GOLM2: variants seen among roughly 807,000 people sequenced by gnomAD.
The protein encoded by GOLM2 is golgi membrane protein 2.
A neutral mutation model predicts 55.9 loss-of-function variants in GOLM2; 26 were observed. That is an observed-to-expected ratio of 0.47 (90% CI 0.34 to 0.65). The LOEUF (loss-of-function observed/expected upper bound fraction) is 0.65, where lower values mean the gene tolerates loss of function less well. GOLM2 is among the 30% of genes least tolerant of loss of function. The pLI, the probability that GOLM2 is intolerant of heterozygous loss-of-function variation, is 0.01. For synonymous variants in GOLM2, 165 were observed against 194.6 expected (o/e 0.85, Z 1.27); for missense variants, 486 against 531.8 (o/e 0.91, Z 0.85).
At chr15:44,357,259 A>C (rs1419669745) in intron 6 of GOLM2, among the ~76,000 whole-genome samples, 1 of 152,228 alleles carries the variant, frequency 6.6e-6, no homozygotes, top group Non-Finnish European at 1.5e-5. Flanking sequence ...AATATTAAAA[A>C]ATCAAGTAAC....
intron 1 of GOLM2, among the ~76,000 whole-genome samples, chr15:44,294,086 C>T (rs1354820588): frequency 6.6e-6 from 1 of 152,116 alleles, no homozygotes; most frequent in African/African-American, 2.4e-5. Flanking sequence ...TCCTGTATCC[C>T]CTTCTTACTT....
intron 1 of GOLM2, among the ~76,000 whole-genome samples, chr15:44,290,567 C>T (rs1031079416): frequency 2.6e-5 from 4 of 152,132 alleles, no homozygotes; most frequent in Admixed American, 1.3e-4. Context: ...GTCAAGGAAT[C>T]AGTACATTTA....
intron 1 of GOLM2, among the ~76,000 whole-genome samples, chr15:44,297,016 C>A (rs146648193): frequency 6.6e-6 from 1 of 152,198 alleles, no homozygotes; most frequent in Non-Finnish European, 1.5e-5. Flanking sequence ...CTCTTCCAAA[C>A]GATATCCCTT....
At chr15:44,373,630 T>C (rs2079345042) in intron 6 of GOLM2, among the ~76,000 whole-genome samples, 1 of 151,644 alleles carries the variant, frequency 6.6e-6, no homozygotes, top group Non-Finnish European at 1.5e-5. Context: ...GGCGGGCGCC[T>C]GTAATTCCAG....
At chr15:44,292,748 G>T (rs1194976838) in intron 1 of GOLM2, among the ~76,000 whole-genome samples, 1 of 152,182 alleles carries the variant, frequency 6.6e-6, no homozygotes, top group Non-Finnish European at 1.5e-5. Flanking sequence ...GAGCTGCTTA[G>T]TAGAAAGGGT....
intron 9 of GOLM2, among the ~76,000 whole-genome samples, chr15:44,403,517 AC>A (rs2079579689): frequency 6.6e-6 from 1 of 152,008 alleles, no homozygotes; most frequent in African/African-American, 2.4e-5. Context: ...TATTTTGAAA[AC>A]TTTTATAATA....
chr15:44,321,262 G>A (rs1192541540), intron 1 of GOLM2, among the ~76,000 whole-genome samples: 2 of 151,920 alleles, frequency 1.3e-5, no homozygotes, highest in African/African-American at 4.8e-5. Flanking sequence ...GCTTAAGCCC[G>A]GGAGTTCAAG....
intron 1 of GOLM2, among the ~76,000 whole-genome samples, chr15:44,316,945 T>C (rs914794776): frequency 1.3e-5 from 2 of 151,124 alleles, no homozygotes; most frequent in African/African-American, 4.9e-5. Context: ...GAGATTGTGC[T>C]ACTACACTCC....
chr15:44,383,286 T>C (rs966337973), intron 8 of GOLM2, among the ~76,000 whole-genome samples: 2 of 152,064 alleles, frequency 1.3e-5, no homozygotes. Flanking sequence ...TATTTCCTGT[T>C]CTTCCTACTT....
intron 8 of GOLM2, among the ~76,000 whole-genome samples, chr15:44,397,361 C>T (rs2079533286): frequency 6.6e-6 from 1 of 151,584 alleles, no homozygotes; most frequent in African/African-American, 2.4e-5. Flanking sequence ...CGCCTGTAGT[C>T]CCAGCTACTC....
At chr15:44,306,339 T>C (rs2078837026) in intron 1 of GOLM2, among the ~76,000 whole-genome samples, 1 of 152,168 alleles carries the variant, frequency 6.6e-6, no homozygotes, top group Non-Finnish European at 1.5e-5. Flanking sequence ...CAACCTCTGC[T>C]GGCTTCCGAC....
intron 1 of GOLM2, among the ~76,000 whole-genome samples, chr15:44,304,414 G>A (rs1021523275): frequency 6.7e-6 from 1 of 149,752 alleles, no homozygotes; most frequent in South Asian, 2.1e-4. Flanking sequence ...GCTAATTTTT[G>A]TACTTTTAGT....
chr15:44,357,625 T>C (rs1056889445), intron 6 of GOLM2, among the ~76,000 whole-genome samples: 3 of 152,208 alleles, frequency 2.0e-5, no homozygotes, highest in Non-Finnish European at 4.4e-5. Context: ...TGTTCACAGA[T>C]GTCATTATCT....
intron 3 of GOLM2, among the ~76,000 whole-genome samples, chr15:44,330,606 C>T (rs1284916689): frequency 1.3e-5 from 2 of 151,736 alleles, no homozygotes; most frequent in African/African-American, 4.8e-5. Context: ...TGGCATACAC[C>T]TGTGGTCCCA....
chr15:44,317,309 C>G (rs2078917327), intron 1 of GOLM2, among the ~76,000 whole-genome samples: 1 of 152,056 alleles, frequency 6.6e-6, no homozygotes. Flanking sequence ...CCTGAGAAAT[C>G]AAGGTTGCAG....
chr15:44,288,882 C>T lies in GOLM2; in HGVS notation c.-148C>T. The T allele has an allele frequency of 1.5e-6, 1 of 689,062 alleles. No homozygotes were observed. Among genetic ancestry groups the T allele is most frequent in the Non-Finnish European group, 2.4e-6 (1 of 421,104 alleles). 42.7% of individuals were successfully genotyped at this position (689,062 alleles called of 1,614,324 possible). On this transcript the variant is annotated 5_prime_UTR_variant, in exon 1 of 10. Transcript: ENST00000299957. ...GACCTGCGGCTTGCGGCCCCGCCCC[C>T]TTCTCCGGCTCGCAGCCGACCGGTA...
chr15:44,341,762 T>C (rs2079092354), intron 6 of GOLM2, among the ~76,000 whole-genome samples: 1 of 149,922 alleles, frequency 6.7e-6, no homozygotes, highest in Admixed American at 6.7e-5. Flanking sequence ...AGTCGTGCGA[T>C]CTTGGCTCAC....
intron 1 of GOLM2, among the ~76,000 whole-genome samples, chr15:44,317,981 C>G (rs1322963175): frequency 6.6e-6 from 1 of 152,114 alleles, no homozygotes; most frequent in African/African-American, 2.4e-5. Context: ...TTTTCTGATT[C>G]TATTAGTTTA....
At chr15:44,405,764 C>T (rs547391347) in intron 9 of GOLM2, among the ~76,000 whole-genome samples, 6 of 151,982 alleles carry the variant, frequency 3.9e-5, no homozygotes, top group African/African-American at 1.2e-4. Context: ...GAGACTACAG[C>T]CGTGCACCAC....
Sources: allele counts gnomAD v4.1 joint callset (sites outside exome capture counted in the v4.1 genomes callset), GRCh38; gene constraint gnomAD v4.1.1; transcripts MANE v1.5; gene names NCBI Gene and HGNC (gene_info 2026-07-23, HGNC 2026-07-21).